The following IL1RAPL1 variants were observed in gnomAD, a reference collection of about 807,000 sequenced individuals.
IL1RAPL1 encodes the protein interleukin 1 receptor accessory protein like 1, also known as interleukin-1 receptor accessory protein-like 1.
Under a neutral mutation model 48.4 loss-of-function variants are expected in IL1RAPL1, and 3 were observed. The ratio of observed to expected loss-of-function variants is 0.06; its 90% CI spans 0.03 to 0.16. IL1RAPL1 has a LOEUF of 0.16. IL1RAPL1 is among the 10% of genes least tolerant of loss of function. The pLI is 1.00. For missense variants in IL1RAPL1, 349 were observed against 530.6 expected (o/e 0.66, Z 3.36); for synonymous variants, 185 against 187.7 (o/e 0.99, Z 0.12).
intron 5 of IL1RAPL1, among the ~76,000 whole-genome samples, chrX:29,585,523 T>C (rs1485866987): frequency 6.2e-5 from 7 of 112,053 alleles, no homozygotes; most frequent in Admixed American, 5.7e-4. Flanking sequence ...GATTTCCTTT[T>C]CTTTGAATAA....
At position 28,694,330 on chromosome X, in the gene IL1RAPL1, AG is replaced by A. The variant is rs1380597753; in HGVS notation, c.-24-94988del. Among the ~76,000 whole-genome samples, 45 of 112,176 alleles carry A rather than the reference AG, an allele frequency of 4.0e-4. 1 individual carries two copies. Among genetic ancestry groups the A allele is most frequent in the Non-Finnish European group, 1.9e-5 (1 of 53,205 alleles). ...TGTTCATTTTTCAACAAACCTGACT[AG>A]GTATTCTAATTTCGTAAATTAACCA... is the stretch of plus-strand genomic sequence containing the variant. On this transcript the variant is annotated intron_variant, in intron 1 of 10. Transcript: ENST00000378993.
intron 6 of IL1RAPL1, among the ~76,000 whole-genome samples, chrX:29,690,206 A>G (rs1258566683): frequency 8.9e-6 from 1 of 111,901 alleles, no homozygotes; most frequent in East Asian, 2.8e-4. Flanking sequence ...GAGGAGCAAC[A>G]TTTGTGGGAA....
At chrX:28,917,650 G>T (rs1432661510) in intron 2 of IL1RAPL1, among the ~76,000 whole-genome samples, 1 of 111,864 alleles carries the variant, frequency 8.9e-6, no homozygotes, top group African/African-American at 3.3e-5. Context: ...CCCCTCACTG[G>T]CTCCACATTT....
At chrX:28,670,473 A>G (rs925429591) in intron 1 of IL1RAPL1, among the ~76,000 whole-genome samples, 10 of 112,110 alleles carry the variant, frequency 8.9e-5, no homozygotes, top group Non-Finnish European at 1.7e-4. Context: ...TTTATGTTTC[A>G]GGTTTATTTG....
intron 3 of IL1RAPL1, among the ~76,000 whole-genome samples, chrX:29,306,782 A>T (rs756017945): frequency 3.4e-4 from 33 of 97,928 alleles, no homozygotes; most frequent in African/African-American, 1.2e-3. Flanking sequence ...AATGGCATGA[A>T]CCCGGGAGGC....
chrX:28,957,588 A>T (rs1924648625), intron 2 of IL1RAPL1, among the ~76,000 whole-genome samples: 1 of 110,596 alleles, frequency 9.0e-6, no homozygotes, highest in African/African-American at 3.3e-5. Context: ...TCAATTTGTT[A>T]GTGTTTTTTT....
At position 29,917,602 on chromosome X, in the gene IL1RAPL1, T is replaced by A. The variant is rs760355758; in HGVS notation, c.911+6T>A. ...GTTTGGGAAAGTGACATTAGGTAATTTTTTTTCCTTTTAACCTGTATAGTC... is the reference window on the plus strand; with the variant it reads ...GTTTGGGAAAGTGACATTAGGTAATATTTTTTCCTTTTAACCTGTATAGTC... On this transcript the variant is annotated splice_donor_region_variant and intron_variant, in intron 7 of 10. Transcript: ENST00000378993. The A allele has an allele frequency of 3.4e-6, 4 of 1,191,187 alleles. No individual in the cohort carries two copies. In the African/African-American group the frequency reaches 5.3e-5, roughly 16 times the overall value.
chrX:28,687,754 C>A (rs1459766021), intron 1 of IL1RAPL1, among the ~76,000 whole-genome samples: 1 of 106,861 alleles, frequency 9.4e-6, no homozygotes, highest in African/African-American at 3.4e-5. Context: ...TGCACTCCAG[C>A]CTGGGCGACA....
intron 2 of IL1RAPL1, among the ~76,000 whole-genome samples, chrX:28,880,655 T>C (rs1052368283): frequency 8.9e-5 from 10 of 112,269 alleles, no homozygotes; most frequent in African/African-American, 3.2e-4. Flanking sequence ...TCATAAATTT[T>C]TGCTATTTTG....
At chrX:29,583,716 T>C (rs1485214837) in intron 5 of IL1RAPL1, among the ~76,000 whole-genome samples, 2 of 94,633 alleles carry the variant, frequency 2.1e-5, no homozygotes, top group African/African-American at 4.2e-5. Context: ...TGGAAAAAAC[T>C]ACTTTAAAGT....
chrX:29,602,066 C>T (rs775280326), intron 5 of IL1RAPL1, among the ~76,000 whole-genome samples: 31 of 111,697 alleles, frequency 2.8e-4, no homozygotes, highest in African/African-American at 1.0e-3. Flanking sequence ...TCACTGCAAC[C>T]TCTGCCTCCC....
chrX:29,497,892 G>C (rs1399708918), intron 5 of IL1RAPL1, among the ~76,000 whole-genome samples: 1 of 111,521 alleles, frequency 9.0e-6, no homozygotes, highest in African/African-American at 3.3e-5. Flanking sequence ...ATCAAGAATA[G>C]AGCTAACACC....
intron 9 of IL1RAPL1, among the ~76,000 whole-genome samples, chrX:29,945,258 T>C (rs1445709067): frequency 8.9e-6 from 1 of 112,113 alleles, no homozygotes; most frequent in African/African-American, 3.2e-5. Flanking sequence ...CTTCCAATAG[T>C]GAAAAACTTC....
At chrX:29,304,409 G>T (rs1932586111) in intron 3 of IL1RAPL1, among the ~76,000 whole-genome samples, 1 of 111,578 alleles carries the variant, frequency 9.0e-6, no homozygotes, top group Non-Finnish European at 1.9e-5. Context: ...ATTTAATAAT[G>T]AATTTTAGTG....
intron 6 of IL1RAPL1, among the ~76,000 whole-genome samples, chrX:29,723,674 T>A (rs1927700377): frequency 8.9e-6 from 1 of 112,337 alleles, no homozygotes; most frequent in East Asian, 2.8e-4. Flanking sequence ...TTAAACTGCT[T>A]CCACATGAGA....
At chrX:29,503,036 T>A (rs770519267) in intron 5 of IL1RAPL1, among the ~76,000 whole-genome samples, 4 of 111,662 alleles carry the variant, frequency 3.6e-5, no homozygotes, top group Admixed American at 9.5e-5. Flanking sequence ...GTTTTATGTG[T>A]CCCAGAATTT....
intron 2 of IL1RAPL1, among the ~76,000 whole-genome samples, chrX:29,176,974 G>A (rs775304957): frequency 5.4e-5 from 6 of 111,302 alleles, no homozygotes; most frequent in African/African-American, 1.6e-4. Context: ...TATAATGGTC[G>A]TGATACTTCC....
intron 2 of IL1RAPL1, among the ~76,000 whole-genome samples, chrX:29,069,513 A>G (rs763814136): frequency 2.5e-4 from 27 of 109,866 alleles, no homozygotes; most frequent in South Asian, 7.9e-4. Context: ...TCCAGTTGCT[A>G]TTCCTAATCC....
intron 2 of IL1RAPL1, among the ~76,000 whole-genome samples, chrX:28,957,183 A>C (rs1001179728): frequency 1.8e-5 from 2 of 111,634 alleles, no homozygotes; most frequent in African/African-American, 6.5e-5. Flanking sequence ...ACCTAATGCT[A>C]GATGACGAGT....
Sources: allele counts gnomAD v4.1 joint callset (sites outside exome capture counted in the v4.1 genomes callset), GRCh38; gene constraint gnomAD v4.1.1; transcripts MANE v1.5; gene names NCBI Gene and HGNC (gene_info 2026-07-23, HGNC 2026-07-21).